ZNF557: variants seen among roughly 807,000 people sequenced by gnomAD.
The protein encoded by ZNF557 is CTB-25J19.9.
A neutral mutation model predicts 21.2 loss-of-function variants in ZNF557; 19 were observed. The observed-to-expected ratio is 0.90, with a 90% CI of 0.63 to 1.32. The LOEUF is 1.32. ZNF557 is among the 40% of genes most tolerant of loss of function. ZNF557 has a pLI of 0.00. For missense variants in ZNF557, 487 were observed against 519.8 expected (o/e 0.94, Z 0.61); for synonymous variants, 207 against 194.8 (o/e 1.06, Z -0.52).
chr19:7,072,590 A>G (rs1250223578), intron 2 of ZNF557, among the ~76,000 whole-genome samples: 2 of 152,140 alleles, frequency 1.3e-5, no homozygotes, highest in South Asian at 4.1e-4. Context: ...ACATGCTCCA[A>G]ACTGTGAACT....
At chr19:7,072,945 G>C (rs1977492433) in intron 2 of ZNF557, among the ~76,000 whole-genome samples, 1 of 152,088 alleles carries the variant, frequency 6.6e-6, no homozygotes, top group Admixed American at 6.5e-5. Context: ...GGCTGCAGAA[G>C]GGATTTGAGA....
intron 2 of ZNF557, among the ~76,000 whole-genome samples, chr19:7,071,796 T>C (rs1262034646): frequency 3.8e-5 from 1 of 26,582 alleles, no homozygotes; most frequent in Admixed American, 6.2e-4. Context: ...CAAGACTGCA[T>C]CTCAAAAAAA....
rs1280100447 is a variant in ZNF557 at position 7,085,829 on chromosome 19, C to T, written c.*2085C>T. 2.0e-5 allele frequency: 3 copies of T among 152,096 alleles called. No homozygotes were observed. The East Asian group carries it at 5.8e-4, about 29-fold the overall frequency. The allele number at this position is 152,096 out of a possible 1,614,324, so 9.4% of individuals were successfully genotyped here. ...ATAGTGGTCCTGAAAATCTTACTAC[C>T]TCGTTTTATATACAGTGTATTTATT... is the stretch of plus-strand genomic sequence containing the variant. On this transcript the variant is annotated 3_prime_UTR_variant, in exon 8 of 8. Transcript: ENST00000252840.
Position 7,083,337 on chromosome 19 carries a change from C to G in ZNF557, c.886C>G (p.Gln296Glu). The G allele has an allele frequency of 1.9e-6, 3 of 1,614,178 alleles. No individual in the cohort carries two copies. Among genetic ancestry groups the G allele is most frequent in the Non-Finnish European group, 2.5e-6 (3 of 1,180,034 alleles). ...HTGEGHYVCN[Q>E]CGKAFGTRSS... ...GGGGGAGGGTCATTATGTATGTAAT[C>G]AGTGTGGAAAGGCTTTCGGCACGAG... Residue 296 changes from glutamine (Q) to glutamate (E), a missense_variant, in exon 8 of 8, where the codon CAG (glutamine) becomes GAG (glutamate). Transcript: ENST00000252840.
Position 7,082,981 on chromosome 19 carries a change from A to G in ZNF557, c.530A>G (p.Glu177Gly), listed in dbSNP as rs1977745320. ...CGGCACAGGAAGATTCATACTGGAGAAAGACCCTATGGCTGCAGTGAATGT... is the reference window on the plus strand; with the variant it reads ...CGGCACAGGAAGATTCATACTGGAGGAAGACCCTATGGCTGCAGTGAATGT... ...LTRHRKIHTG[E>G]RPYGCSECGK... The change falls in exon 8 of 8, where the codon GAA becomes GGA. Residue 177 changes from glutamate to glycine, a missense_variant. Coordinates refer to ENST00000252840, the MANE Select transcript of ZNF557 (RefSeq NM_024341.3). 8 of 1,614,178 alleles carry G rather than the reference A, an allele frequency of 5.0e-6. No individual in the cohort carries two copies. Among genetic ancestry groups the G allele is most frequent in the Non-Finnish European group, 6.8e-6 (8 of 1,180,030 alleles).
Position 7,075,671 on chromosome 19 carries a change from C to T in ZNF557, c.48C>T (p.Phe16=), listed in dbSNP as rs749745702. The T allele has an allele frequency of 1.9e-6, 3 of 1,613,616 alleles. No homozygotes were observed. Among genetic ancestry groups the T allele is most frequent in the South Asian group, 1.1e-5 (1 of 91,074 alleles). The part of the protein sequence containing the change: ...LPPTAALSSL[F]PASQREGHTE... ...CTCCTCCAGCTCTGTCTTCCCTGTT[C>T]CCAGCCTCTCAGCGAGAAGGACACA... Residue 16 remains phenylalanine (F), a synonymous_variant, in exon 4 of 8, where the codon TTC becomes TTT. Transcript: ENST00000252840.
chr19:7,075,087 G>A lies in ZNF557; in HGVS notation c.13G>A (p.Val5Ile), dbSNP rs377018544. The A allele has an allele frequency of 2.5e-5, 40 of 1,613,934 alleles. No homozygotes were observed. The highest frequency in any genetic ancestry group is 1.6e-4 in the Middle Eastern group (1 of 6,084). Reference sequence around the variant, plus strand: ...TCGGAGTCACAGGATGGCGGCTGTCGTCCTGCCCCCAACTGCCGGTGAGTC... The same window carrying A: ...TCGGAGTCACAGGATGGCGGCTGTCATCCTGCCCCCAACTGCCGGTGAGTC... Reference protein sequence around the residue: MAAVVLPPTAALSSL... With the variant: MAAVILPPTAALSSL... The change falls in exon 3 of 8, where the codon GTC (valine) becomes ATC (isoleucine). Residue 5 changes from valine (V) to isoleucine (I), a missense_variant. Transcript: ENST00000252840.
At chr19:7,079,395 C>T (rs1159040549) in intron 5 of ZNF557, among the ~76,000 whole-genome samples, 1 of 146,784 alleles carries the variant, frequency 6.8e-6, no homozygotes, top group African/African-American at 2.5e-5. Context: ...GCGCCCACCA[C>T]CACGCCTCGC....
rs1460635702 is a variant in ZNF557, at chr19:7,085,752, T to A, written c.*2008T>A. The A allele has an allele frequency of 6.6e-6, 1 of 152,188 alleles. No individual in the cohort carries two copies. Among genetic ancestry groups the A allele is most frequent in the Non-Finnish European group, 1.5e-5 (1 of 68,036 alleles). 9.4% of individuals were successfully genotyped at this position (152,188 alleles called of 1,614,324 possible). On this transcript the variant is annotated 3_prime_UTR_variant, in exon 8 of 8. Coordinates refer to ENST00000252840, the MANE Select transcript of ZNF557 (RefSeq NM_024341.3). ...CCTTCATCAATGTCTCATTTGTAGG[T>A]TGGGCCACTAGCTCGTTCATTTTCA...
intron 1 of ZNF557, among the ~76,000 whole-genome samples, 195 bp from the exon 2 acceptor site, chr19:7,070,367 G>A (rs1221123169): frequency 6.6e-6 from 1 of 152,192 alleles, no homozygotes; most frequent in Non-Finnish European, 1.5e-5. Flanking sequence ...GGACCAGATG[G>A]CTGGATAGGA....
At chr19:7,079,962 C>G (rs986856240) in intron 5 of ZNF557, among the ~76,000 whole-genome samples, 1 of 152,082 alleles carries the variant, frequency 6.6e-6, no homozygotes, top group Admixed American at 6.5e-5. Flanking sequence ...CTTCTCAGAT[C>G]TTCTCTGAGC....
intron 5 of ZNF557, 133 bp from the exon 6 acceptor site, chr19:7,081,227 A>G (rs1977698601): frequency 1.8e-6 from 1 of 549,524 alleles, no homozygotes; most frequent in Admixed American, 2.8e-5. Context: ...TGCTATATTT[A>G]TTCAATTTTG....
At position 7,075,607 on chromosome 19, in the gene ZNF557, G is replaced by A. The variant is rs767655914; in HGVS notation, c.32-48G>A. The A allele has an allele frequency of 1.9e-6, 3 of 1,588,920 alleles. No homozygotes were observed. The Admixed American group carries it at 5.1e-5, about 27-fold the overall frequency. On this transcript the variant is annotated intron_variant, in intron 3 of 7. Coordinates refer to ENST00000252840, the MANE Select transcript of ZNF557 (RefSeq NM_024341.3). ...TGGGGAAGCCTCCAGATGTGTGAGT[G>A]GACACAGGGCAGGTGTGGATTCCTG...
intron 5 of ZNF557, among the ~76,000 whole-genome samples, chr19:7,076,752 T>C (rs781303673): frequency 6.6e-6 from 1 of 152,148 alleles, no homozygotes; most frequent in Admixed American, 6.5e-5. Context: ...TTCTCCCTCC[T>C]GAACATCTTG....
Position 7,087,807 on chromosome 19 carries a change from A to G in ZNF557, c.*4063A>G, listed in dbSNP as rs1379694918. The G allele has an allele frequency of 1.3e-5, 2 of 152,034 alleles. No homozygotes were observed. The highest frequency in any genetic ancestry group is 4.8e-5 in the African/African-American group (2 of 41,376). 9.4% of individuals were successfully genotyped at this position (152,034 alleles called of 1,614,324 possible). ...ATTGATCTGTTTTTATAAGTGCTCC[A>G]TGATTCTCTGAAAACAGTATACTAT... On this transcript the variant is annotated 3_prime_UTR_variant, in exon 8 of 8. Coordinates refer to ENST00000252840, the MANE Select transcript of ZNF557 (RefSeq NM_024341.3).
At position 7,086,249 on chromosome 19, in the gene ZNF557, C is replaced by T. The variant is rs1314007999; in HGVS notation, c.*2505C>T. 9.7e-6 allele frequency: 1 copy of T among 103,008 alleles called. No individual in the cohort carries two copies. The highest frequency in any genetic ancestry group is 3.4e-4 in the East Asian group (1 of 2,978). The allele number at this position is 103,008 out of a possible 1,614,324, so 6.4% of individuals were successfully genotyped here. Reference sequence around the variant, plus strand: ...CTGTCTCAAAAAAAAAAAAATCAGACAATATTTGATATATTTTTTTCTAAT... The same window carrying T: ...CTGTCTCAAAAAAAAAAAAATCAGATAATATTTGATATATTTTTTTCTAAT... On this transcript the variant is annotated 3_prime_UTR_variant, in exon 8 of 8. Transcript: ENST00000252840.
intron 7 of ZNF557, 44 bp downstream of exon 7, chr19:7,082,096 T>C (rs768184098): frequency 1.3e-6 from 2 of 1,491,124 alleles, no homozygotes; most frequent in South Asian, 1.1e-5. Flanking sequence ...CATGGTAGAA[T>C]GCCCTACATG....
At chr19:7,070,707 G>A (rs1413815506) in intron 2 of ZNF557, 54 bp downstream of exon 2, 1 of 151,864 alleles carries the variant, frequency 6.6e-6, no homozygotes, top group Non-Finnish European at 1.5e-5. Flanking sequence ...TAGAAAACCT[G>A]TGAATGGATT....
In ZNF557 at chr19:7,087,214, T is replaced by TC; in HGVS notation, c.*3470_*3471insC. 1 of 89,350 alleles carries TC rather than the reference T, an allele frequency of 1.1e-5. No individual in the cohort carries two copies. The highest frequency in any genetic ancestry group is 2.3e-5 in the Non-Finnish European group (1 of 42,660). 5.5% of individuals were successfully genotyped at this position (89,350 alleles called of 1,614,324 possible). ...AGAGTTAAAAGAGCTTTTTTTTTTT[T>TC]TTTTTTTTTTTTCTTCACTGTGGTG... On this transcript the variant is annotated 3_prime_UTR_variant, in exon 8 of 8. Coordinates refer to ENST00000252840, the MANE Select transcript of ZNF557 (RefSeq NM_024341.3).
Sources: allele counts gnomAD v4.1 joint callset (sites outside exome capture counted in the v4.1 genomes callset), GRCh38; gene constraint gnomAD v4.1.1; transcripts MANE v1.5; gene names NCBI Gene and HGNC (gene_info 2026-07-23, HGNC 2026-07-21).